The following TNFRSF13B variants were observed in gnomAD, a reference collection of about 807,000 sequenced individuals.
The protein encoded by TNFRSF13B is TNF receptor superfamily member 13B, also known as tumor necrosis factor receptor superfamily member 13B.
A neutral mutation model predicts 24.0 loss-of-function variants in TNFRSF13B; 34 were observed. The observed-to-expected ratio is 1.41, with a 90% CI of 1.08 to 1.88. The LOEUF is 1.88. Among genes scored for constraint, TNFRSF13B ranks in the 40% most tolerant of loss-of-function variants. The pLI is 0.00. For synonymous variants in TNFRSF13B, 173 were observed against 150.3 expected, an observed-to-expected ratio of 1.15 and a Z score of -1.10; for missense variants, 415 against 380.8, an observed-to-expected ratio of 1.09 and a Z score of -0.75.
chr17:16,945,226 A>G (rs1377202468), intron 3 of TNFRSF13B, among the ~76,000 whole-genome samples: 2 of 152,140 alleles, frequency 1.3e-5, no homozygotes, highest in African/African-American at 4.8e-5. Flanking sequence ...ACAGCCCCCA[A>G]TGCTCACAGC....
chr17:16,969,158 T>C (rs776532880), intron 1 of TNFRSF13B, among the ~76,000 whole-genome samples: 1 of 152,218 alleles, frequency 6.6e-6, no homozygotes, highest in Admixed American at 6.5e-5. Context: ...ATGTTAAACA[T>C]AGAATTTATC....
At chr17:16,939,919 G>A (rs536758998) in intron 4 of TNFRSF13B, 122 bp from the exon 5 acceptor site, 270 of 1,342,920 alleles carry the variant, frequency 2.0e-4, no homozygotes, top group Non-Finnish European at 2.6e-4. Flanking sequence ...AGCGTAGAAC[G>A]CCCCCAGACA....
Position 16,952,448 on chromosome 17 carries a change from C to G in TNFRSF13B, c.197G>C (p.Cys66Ser), listed in dbSNP as rs751382736. 1.2e-6 allele frequency: 2 copies of G among 1,614,080 alleles called. No homozygotes were observed. The highest frequency in any genetic ancestry group is 1.7e-6 in the Non-Finnish European group (2 of 1,179,932). The change falls in exon 2 of 5, where the codon TGC becomes TCC. Residue 66 changes from cysteine (C) to serine (S), a missense_variant and splice_region_variant. Coordinates refer to ENST00000261652, the MANE Select transcript of TNFRSF13B (RefSeq NM_012452.3). ...TCGGCTCAGGCCCCAGAACTCACTG[C>G]AGAAGGCTGCACAGGTGCGCTGGCT... ...HQSQRTCAAF[C>S]RSLSCRKEQG...
At chr17:16,941,180 A>G (rs58155978) in intron 3 of TNFRSF13B, 40,597 of 972,182 alleles carry the variant, frequency 0.042, 1,579 homozygotes, top group East Asian at 0.28. Context: ...ACTATCCCCT[A>G]TCTTTTCTGA....
chr17:16,958,699 C>CA, intron 1 of TNFRSF13B, among the ~76,000 whole-genome samples: 2 of 151,428 alleles, frequency 1.3e-5, no homozygotes, highest in East Asian at 1.9e-4. Flanking sequence ...CTTTAAATCA[C>CA]AAAAAAATTA....
chr17:16,961,430 T>C (rs1436094084), intron 1 of TNFRSF13B, among the ~76,000 whole-genome samples: 1 of 152,258 alleles, frequency 6.6e-6, no homozygotes, highest in African/African-American at 2.4e-5. Flanking sequence ...GGAATACTTA[T>C]ACATGCTACA....
In TNFRSF13B at chr17:16,940,029, G is replaced by C. The variant is rs1324698671; in HGVS notation, c.632-232C>G. ...TTCTGTCCAGCACCGAGCCTGCCAC[G>C]CCCCCCAAGGGGACACCTCCTCCTG... is the stretch of plus-strand genomic sequence containing the variant. On this transcript the variant is annotated intron_variant, in intron 4 of 4. Coordinates refer to ENST00000261652, the MANE Select transcript of TNFRSF13B (RefSeq NM_012452.3). 4 of 955,284 alleles carry C rather than the reference G, an allele frequency of 4.2e-6. No homozygotes were observed. In the African/African-American group the frequency reaches 5.0e-5, roughly 12 times the overall value. The allele number at this position is 955,284 out of a possible 1,614,324, so 59.2% of individuals were successfully genotyped here.
chr17:16,962,797 C>T (rs545131064), intron 1 of TNFRSF13B, among the ~76,000 whole-genome samples: 6 of 152,134 alleles, frequency 3.9e-5, no homozygotes, highest in African/African-American at 9.6e-5. Context: ...GGAGCAGAGC[C>T]GGCAGCCAGC....
intron 1 of TNFRSF13B, among the ~76,000 whole-genome samples, chr17:16,958,205 T>A (rs1270146443): frequency 1.3e-5 from 2 of 151,050 alleles, no homozygotes; most frequent in Non-Finnish European, 3.0e-5. Context: ...TTAATTGTAA[T>A]CCCCAAGAAA....
chr17:16,961,570 G>A (rs1011028374), intron 1 of TNFRSF13B, among the ~76,000 whole-genome samples: 1 of 152,290 alleles, frequency 6.6e-6, no homozygotes, highest in South Asian at 2.1e-4. Context: ...GTAAAATAGA[G>A]GTTAGCACAG....
At chr17:16,958,724 G>T (rs1222554529) in intron 1 of TNFRSF13B, among the ~76,000 whole-genome samples, 1 of 151,624 alleles carries the variant, frequency 6.6e-6, no homozygotes, top group Non-Finnish European at 1.5e-5. Flanking sequence ...AGACAAAGAA[G>T]GACAATATAT....
At chr17:16,970,283 G>A (rs916954301) in intron 1 of TNFRSF13B, among the ~76,000 whole-genome samples, 17 of 152,154 alleles carry the variant, frequency 1.1e-4, no homozygotes, top group African/African-American at 3.9e-4. Flanking sequence ...GACACTAGCT[G>A]TGTGGGCTGG....
chr17:16,954,314 T>C (rs2087610394), intron 1 of TNFRSF13B, among the ~76,000 whole-genome samples: 1 of 152,044 alleles, frequency 6.6e-6, no homozygotes, highest in Non-Finnish European at 1.5e-5. Flanking sequence ...AGCCTGAGAG[T>C]TCAAGGCTGA....
intron 3 of TNFRSF13B, among the ~76,000 whole-genome samples, chr17:16,947,426 G>A (rs2087556976): frequency 1.3e-5 from 2 of 152,192 alleles, no homozygotes. Flanking sequence ...TACAGAATGG[G>A]AGAAAATGTT....
intron 4 of TNFRSF13B, chr17:16,940,013 G>T: frequency 1.0e-6 from 1 of 957,262 alleles, no homozygotes; most frequent in Non-Finnish European, 1.5e-6. Flanking sequence ...CTTCTGTCCA[G>T]CACCGAGCCT....
chr17:16,952,911 C>T (rs2087600194), intron 1 of TNFRSF13B, among the ~76,000 whole-genome samples: 3 of 152,222 alleles, frequency 2.0e-5, no homozygotes, highest in African/African-American at 7.2e-5. Context: ...AGGGTCTTTG[C>T]ACCTGCTGTT....
intron 4 of TNFRSF13B, 61 bp from the exon 5 acceptor site, chr17:16,939,858 C>T (rs1473539132): frequency 2.5e-5 from 38 of 1,538,280 alleles, no homozygotes; most frequent in East Asian, 9.2e-5. Context: ...GTAGGGGTGA[C>T]GGTGTGGGCA....
intron 1 of TNFRSF13B, among the ~76,000 whole-genome samples, chr17:16,957,729 T>C (rs1597665103): frequency 2.0e-5 from 3 of 152,048 alleles, no homozygotes; most frequent in Admixed American, 2.0e-4. Flanking sequence ...CAGTAAGCTG[T>C]CAACCAGGAA....
At chr17:16,952,293 A>C (rs920442220) in intron 2 of TNFRSF13B, among the ~76,000 whole-genome samples, 153 bp downstream of exon 2, 1 of 152,242 alleles carries the variant, frequency 6.6e-6, no homozygotes, top group Admixed American at 6.5e-5. Flanking sequence ...TTGTGTGACC[A>C]AAGCAGAAAG....
Sources: gnomAD v4.1 joint callset for allele counts (sites outside exome capture counted in the v4.1 genomes callset) on GRCh38, gnomAD v4.1.1 for gene constraint, MANE v1.5 for transcripts, NCBI Gene and HGNC (gene_info 2026-07-23, HGNC 2026-07-21) for gene names.